Variants in KCNH8 observed in about 807,000 individuals in gnomAD.
KCNH8 encodes voltage-gated delayed rectifier potassium channel KCNH8.
A neutral mutation model predicts 103.6 loss-of-function variants in KCNH8; 70 were observed. The ratio of observed to expected loss-of-function variants is 0.68; its 90% CI spans 0.56 to 0.82. The LOEUF is 0.82. KCNH8 is among the 40% of genes least tolerant of loss of function. KCNH8 has a pLI of 0.00. For missense variants in KCNH8, 1,217 were observed against 1,329.9 expected (o/e 0.92, Z 1.32); for synonymous variants, 498 against 489.4 (o/e 1.02, Z -0.23).
intron 11 of KCNH8, among the ~76,000 whole-genome samples, chr3:19,476,178 T>C (rs2067971534): frequency 6.6e-6 from 1 of 152,180 alleles, no homozygotes; most frequent in African/African-American, 2.4e-5. Context: ...TCTTCTTCTT[T>C]TGTGGCTAAT....
In KCNH8 at chr3:19,534,096, A is replaced by G. The variant is rs778529258; in HGVS notation, c.3321A>G (p.Val1107=). 2.8e-5 allele frequency: 45 copies of G among 1,608,660 alleles called. No individual in the cohort carries two copies. Among genetic ancestry groups the G allele is most frequent in the Non-Finnish European group, 3.7e-5 (43 of 1,175,706 alleles). Residue 1107 remains valine (V), a synonymous_variant, in exon 16 of 16, where the codon GTA becomes GTG. Transcript: ENST00000328405. ...AEVKDNKAIN[V] ...TGAAAGATAACAAAGCCATAAATGT[A>G]TGATATTAGTGCCCATGATGCAGCA...
chr3:19,264,503 C>T (rs1034279951), intron 2 of KCNH8, among the ~76,000 whole-genome samples: 48 of 152,084 alleles, frequency 3.2e-4, no homozygotes, highest in Middle Eastern at 3.2e-3. Flanking sequence ...CACTGACCCA[C>T]GCTCTGCAGC....
chr3:19,344,803 T>C (rs574923370), intron 4 of KCNH8, among the ~76,000 whole-genome samples: 1 of 152,258 alleles, frequency 6.6e-6, no homozygotes, highest in African/African-American at 2.4e-5. Context: ...TATTTACAAA[T>C]TCCTTTTACT....
chr3:19,515,334 A>G lies in KCNH8; in HGVS notation c.2448A>G (p.Gly816=), dbSNP rs1301641287. The change falls in exon 14 of 16, where the codon GGA becomes GGG. Residue 816 remains glycine (G), a synonymous_variant. Transcript: ENST00000328405. ...PPDLSPRIVD[G]IEDGNSSEES... is the part of the protein sequence containing the mutation. ...TTATTTTAAGTAGGATTGTTGATGG[A>G]ATTGAAGATGGAAACAGCAGTGAAG... is the stretch of plus-strand genomic sequence containing the variant. 1 of 1,590,780 alleles carries G rather than the reference A, an allele frequency of 6.3e-7. No homozygotes were observed. The highest frequency in any genetic ancestry group is 2.3e-5 in the East Asian group (1 of 44,202).
intron 1 of KCNH8, among the ~76,000 whole-genome samples, chr3:19,163,362 T>G (rs968576241): frequency 6.6e-6 from 1 of 151,090 alleles, no homozygotes; most frequent in Non-Finnish European, 1.5e-5. Flanking sequence ...TTTATCAATA[T>G]AATAAAACTA....
chr3:19,482,293 G>A (rs2068103996), intron 11 of KCNH8, among the ~76,000 whole-genome samples: 1 of 152,144 alleles, frequency 6.6e-6, no homozygotes, highest in African/African-American at 2.4e-5. Flanking sequence ...GTCTGCCTGT[G>A]GATTTCATTT....
chr3:19,180,482 A>C (rs866554261), intron 1 of KCNH8, among the ~76,000 whole-genome samples: 5 of 152,298 alleles, frequency 3.3e-5, no homozygotes, highest in South Asian at 2.1e-4. Flanking sequence ...ACACTTTTGG[A>C]GATTAGGAAT....
intron 1 of KCNH8, among the ~76,000 whole-genome samples, chr3:19,186,287 TAAAAAAAA>T (rs201199269): frequency 1.9e-5 from 2 of 106,414 alleles, no homozygotes; most frequent in Non-Finnish European, 4.5e-5. Context: ...TTAAAAAATG[TAAAAAAAA>T]AAAAAAAAGA....
chr3:19,413,542 A>T (rs2066815734), intron 7 of KCNH8, among the ~76,000 whole-genome samples: 1 of 152,080 alleles, frequency 6.6e-6, no homozygotes, highest in Admixed American at 6.6e-5. Flanking sequence ...TGAATCTAAA[A>T]TAAAAGTTGA....
At chr3:19,169,109 T>C (rs542319408) in intron 1 of KCNH8, among the ~76,000 whole-genome samples, 73 of 152,142 alleles carry the variant, frequency 4.8e-4, no homozygotes, top group Non-Finnish European at 8.5e-4. Context: ...ACCCAGTGAC[T>C]CAATTGCCTG....
At chr3:19,484,834 G>A (rs762005798) in intron 11 of KCNH8, among the ~76,000 whole-genome samples, 4 of 152,098 alleles carry the variant, frequency 2.6e-5, no homozygotes, top group Non-Finnish European at 4.4e-5. Context: ...GCCTGTAGCT[G>A]TCACTGTAAT....
chr3:19,212,458 C>A (rs994342009), intron 1 of KCNH8, among the ~76,000 whole-genome samples: 4 of 152,196 alleles, frequency 2.6e-5, no homozygotes, highest in African/African-American at 9.7e-5. Context: ...ACACAGCCAG[C>A]ACTATGTATT....
intron 3 of KCNH8, among the ~76,000 whole-genome samples, chr3:19,322,061 C>T (rs1005721219): frequency 5.9e-5 from 9 of 151,976 alleles, no homozygotes; most frequent in Admixed American, 2.0e-4. Context: ...ACCCCTTTAC[C>T]CTAAGTTTAC....
At position 19,260,967 on chromosome 3, in the gene KCNH8, CATATATATATAT is replaced by C. The variant is rs138181171; in HGVS notation, c.310+7095_310+7106del. ...TCCTTTTTTAAGGCTGAATAATATT[CATATATATATAT>C]ATATATATATATATCAGTTTATTTA... On this transcript the variant is annotated intron_variant, in intron 2 of 15. Coordinates refer to ENST00000328405, the MANE Select transcript of KCNH8 (RefSeq NM_144633.3). Among the ~76,000 whole-genome samples the C allele has an allele frequency of 1.5e-4, 20 of 132,158 alleles. 1 individual carries two copies. The highest frequency in any genetic ancestry group is 4.3e-4 in the African/African-American group (16 of 37,036). The allele number at this position is 132,158 out of a possible 152,430, so 86.7% of individuals were successfully genotyped here.
At position 19,260,487 on chromosome 3, in the gene KCNH8, G is replaced by GATATATAT. The variant is rs57661437; in HGVS notation, c.310+6640_310+6647dup. On this transcript the variant is annotated intron_variant, in intron 2 of 15. Coordinates refer to ENST00000328405, the MANE Select transcript of KCNH8 (RefSeq NM_144633.3). ...ATTTAATATATGTATTACTCTATAG[G>GATATATAT]ATATATATATATATATATATATATA... 4.5e-3 allele frequency among the ~76,000 whole-genome samples: 182 copies of GATATATAT among 40,024 alleles called. 5 individuals carry two copies. The highest frequency in any genetic ancestry group is 6.5e-3 in the Non-Finnish European group (114 of 17,630). The allele number at this position is 40,024 out of a possible 152,430, so 26.3% of individuals were successfully genotyped here. A position where few individuals can be genotyped will look rare whatever the true frequency, so the allele number is the denominator to read the frequency against.
intron 1 of KCNH8, among the ~76,000 whole-genome samples, chr3:19,216,226 C>T (rs2063816396): frequency 6.6e-6 from 1 of 152,194 alleles, no homozygotes; most frequent in South Asian, 2.1e-4. Flanking sequence ...TGATTCTCTC[C>T]ATTCTAGGCA....
intron 1 of KCNH8, among the ~76,000 whole-genome samples, chr3:19,158,777 T>A (rs901707593): frequency 1.3e-5 from 2 of 151,970 alleles, no homozygotes; most frequent in Non-Finnish European, 2.9e-5. Context: ...CTTACTGACT[T>A]TCTCCTATCC....
rs2067270562 is a variant in KCNH8, at chr3:19,440,724, T to C, written c.1375+2363T>C. Among the ~76,000 whole-genome samples the C allele has an allele frequency of 5.3e-5, 8 of 152,308 alleles. No homozygotes were observed. In the South Asian group the frequency reaches 1.7e-3, roughly 32 times the overall value. ...AGTGTATAACCAAATACTTACTGAA[T>C]GTCTATTATATGCCAACACCAATAC... On this transcript the variant is annotated intron_variant, in intron 8 of 15. Coordinates refer to ENST00000328405, the MANE Select transcript of KCNH8 (RefSeq NM_144633.3).
chr3:19,481,078 T>C (rs1447913821), intron 11 of KCNH8, among the ~76,000 whole-genome samples: 1 of 152,170 alleles, frequency 6.6e-6, no homozygotes, highest in African/African-American at 2.4e-5. Context: ...GTTTGGCTTC[T>C]TCCATCCTAA....
Sources: allele counts gnomAD v4.1 joint callset (sites outside exome capture counted in the v4.1 genomes callset), GRCh38; gene constraint gnomAD v4.1.1; transcripts MANE v1.5; gene names NCBI Gene and HGNC (gene_info 2026-07-23, HGNC 2026-07-21).